ZBTB40: variants seen among roughly 807,000 people sequenced by gnomAD.
The protein encoded by ZBTB40 is zinc finger and BTB domain containing 40, also known as zinc finger and BTB domain-containing protein 40.
In ZBTB40, 60 loss-of-function variants were observed where a neutral mutation model predicts 117.5. The ratio of observed to expected loss-of-function variants is 0.51; its 90% CI spans 0.41 to 0.63. The LOEUF is 0.63. Ranked by LOEUF, ZBTB40 falls within the 30% of genes least tolerant of loss-of-function variation. The probability of loss-of-function intolerance (pLI) is 0.00; values close to 1 mark genes in which losing one functional copy is unlikely to be tolerated. For missense variants in ZBTB40, 1,287 were observed against 1,498.5 expected, an observed-to-expected ratio of 0.86 and a Z score of 2.33; for synonymous variants, 525 against 577.1, an observed-to-expected ratio of 0.91 and a Z score of 1.29.
chr1:22,449,412 A>G (rs188235975), upstream of ZBTB40, among the ~76,000 whole-genome samples: 170 of 152,322 alleles, frequency 1.1e-3, no homozygotes, highest in African/African-American at 3.9e-3. Context: ...AGGTCTAGCC[A>G]TTGTCTTCTT....
At chr1:22,495,697 A>G (rs1270140461) in intron 3 of ZBTB40, among the ~76,000 whole-genome samples, 1 of 152,070 alleles carries the variant, frequency 6.6e-6, no homozygotes, top group African/African-American at 2.4e-5. Context: ...TTTTTAGTAG[A>G]GACGGGGTTT....
intron 1 of ZBTB40, among the ~76,000 whole-genome samples, chr1:22,442,221 CAT>C (rs1640741805): frequency 6.6e-6 from 1 of 152,132 alleles, no homozygotes; most frequent in African/African-American, 2.4e-5. Flanking sequence ...CTCATGTGCA[CAT>C]GAGAAGAATG....
intron 1 of ZBTB40, among the ~76,000 whole-genome samples, chr1:22,464,864 C>T (rs1641215901): frequency 6.6e-6 from 1 of 151,940 alleles, no homozygotes. Context: ...GCCTTTTTTT[C>T]CCCCACAAAA....
In ZBTB40 at chr1:22,490,123, A is replaced by G. The variant is rs773362791; in HGVS notation, c.175A>G (p.Ile59Val). Reference sequence around the variant, plus strand: ...AACCCTGCTGGATAACACAGATACCATCTCCATCGATGCATCTGTGGTGAG... The same window carrying G: ...AACCCTGCTGGATAACACAGATACCGTCTCCATCGATGCATCTGTGGTGAG... Reference protein sequence around the residue: ...FKTLLDNTDTISIDASVVSPE... With the variant: ...FKTLLDNTDTVSIDASVVSPE... Residue 59 changes from isoleucine to valine, a missense_variant, in exon 2 of 18, where the codon ATC (isoleucine) becomes GTC (valine). Physicochemically the swap from Ile to Val is conservative, Grantham distance 29. Transcript: ENST00000375647. 2 of 1,614,144 alleles carry G rather than the reference A, an allele frequency of 1.2e-6. No homozygotes were observed. The highest frequency in any genetic ancestry group is 3.3e-5 in the Admixed American group (2 of 60,022).
chr1:22,522,212 T>TA (rs1350545601), intron 15 of ZBTB40, among the ~76,000 whole-genome samples, 165 bp from the exon 16 acceptor site: 1 of 152,238 alleles, frequency 6.6e-6, no homozygotes, highest in Non-Finnish European at 1.5e-5. Flanking sequence ...TCATGCTCTT[T>TA]ACCACTAGAT....
chr1:22,459,316 A>G (rs1309131584), intron 1 of ZBTB40, among the ~76,000 whole-genome samples: 3 of 152,170 alleles, frequency 2.0e-5, no homozygotes, highest in Non-Finnish European at 4.4e-5. Context: ...CTTCTAGTAC[A>G]TGTAAGGCTT....
intron 12 of ZBTB40, among the ~76,000 whole-genome samples, chr1:22,514,544 T>A (rs1639326334): frequency 6.6e-6 from 1 of 152,170 alleles, no homozygotes; most frequent in South Asian, 2.1e-4. Flanking sequence ...CCCTTCCCTT[T>A]GCTGGGGACG....
intron 1 of ZBTB40, among the ~76,000 whole-genome samples, chr1:22,461,434 C>CCAACATTAA (rs1641130703): frequency 6.6e-6 from 1 of 151,942 alleles, no homozygotes; most frequent in Non-Finnish European, 1.5e-5. Context: ...AGGCTCTTTC[C>CCAACATTAA]CAACATTAAC....
At chr1:22,501,934 A>G (rs547731137) in intron 4 of ZBTB40, among the ~76,000 whole-genome samples, 1 of 152,302 alleles carries the variant, frequency 6.6e-6, no homozygotes, top group South Asian at 2.1e-4. Flanking sequence ...CTGCCCGTCA[A>G]AAAGCCACAC....
At chr1:22,462,753 T>C (rs1272832056) in intron 1 of ZBTB40, among the ~76,000 whole-genome samples, 2 of 152,226 alleles carry the variant, frequency 1.3e-5, no homozygotes, top group Admixed American at 1.3e-4. Flanking sequence ...CCCAGCCGTC[T>C]TGTTATGAGA....
At chr1:22,460,879 A>G (rs556977895) in intron 1 of ZBTB40, among the ~76,000 whole-genome samples, 1 of 152,058 alleles carries the variant, frequency 6.6e-6, no homozygotes, top group Non-Finnish European at 1.5e-5. Context: ...TCACACCCAG[A>G]TACTTCCTTC....
At chr1:22,483,764 T>C (rs1328108247) in intron 1 of ZBTB40, among the ~76,000 whole-genome samples, 1 of 152,198 alleles carries the variant, frequency 6.6e-6, no homozygotes, top group Non-Finnish European at 1.5e-5. Context: ...TTGTCTTTCA[T>C]GGAGCAAAAT....
At chr1:22,486,656 T>C (rs1031671920) in intron 1 of ZBTB40, among the ~76,000 whole-genome samples, 6 of 152,180 alleles carry the variant, frequency 3.9e-5, no homozygotes, top group African/African-American at 7.2e-5. Context: ...AGTGATTCGA[T>C]TGCAGTTCAG....
rs1639704115 is a variant in ZBTB40 at position 22,527,281 on chromosome 1, A to AC, written c.*887dup. The AC allele has an allele frequency of 6.6e-6, 1 of 152,320 alleles. No homozygotes were observed. The highest frequency in any genetic ancestry group is 1.5e-5 in the Non-Finnish European group (1 of 68,040). The allele number at this position is 152,320 out of a possible 1,614,324, so 9.4% of individuals were successfully genotyped here. A position where few individuals can be genotyped will look rare whatever the true frequency, so the allele number is the denominator to read the frequency against. ...TCATATGGTGCAGACTGTGACCAGC[A>AC]CCAGGCAGGCAGTCCTGTCTGCGTG... On this transcript the variant is annotated 3_prime_UTR_variant, in exon 18 of 18. Transcript: ENST00000375647.
At chr1:22,524,191 C>G in intron 16 of ZBTB40, 27 bp from the exon 17 acceptor site, 1 of 1,610,082 alleles carries the variant, frequency 6.2e-7, no homozygotes, top group Non-Finnish European at 8.5e-7. Context: ...ACCCACAGCC[C>G]TCCCCTTCTG....
chr1:22,446,719 C>T (rs1169327679), intron 1 of ZBTB40, among the ~76,000 whole-genome samples: 3 of 152,084 alleles, frequency 2.0e-5, no homozygotes, highest in African/African-American at 7.2e-5. Context: ...TAAAGACTTT[C>T]TCAGACGAAC....
chr1:22,524,321 C>CT lies in ZBTB40; in HGVS notation c.3404dup (p.Cys1137LeufsTer2). 1 of 1,614,216 alleles carries CT rather than the reference C, an allele frequency of 6.2e-7. No individual in the cohort carries two copies. The highest frequency in any genetic ancestry group is 8.5e-7 in the Non-Finnish European group (1 of 1,180,050). ...AGCACTTCAAGCAGTCAGAGACCAC[C>CT]TTCCCCTGTGAGCTCTGTGGGGAAC... On this transcript the variant is annotated frameshift_variant, in exon 17 of 18. Coordinates refer to ENST00000375647, the MANE Select transcript of ZBTB40 (RefSeq NM_014870.4). LOFTEE classifies it high-confidence loss of function.
At chr1:22,433,453 A>AAAAAAAAAAAAAAAAAAAAAAC (rs1640627399) in intron 1 of ZBTB40, among the ~76,000 whole-genome samples, 1 of 142,150 alleles carries the variant, frequency 7.0e-6, no homozygotes, top group Non-Finnish European at 1.5e-5. Flanking sequence ...AAAAAAAAAA[A>AAAAAAAAAAAAAAAAAAAAAAC]AAAAGACAGC....
intron 1 of ZBTB40, among the ~76,000 whole-genome samples, chr1:22,482,432 C>T (rs1638348256): frequency 6.6e-6 from 1 of 152,196 alleles, no homozygotes; most frequent in South Asian, 2.1e-4. Context: ...GTCCCACCAT[C>T]CATGTCTCAC....
Sources: allele counts gnomAD v4.1 joint callset (sites outside exome capture counted in the v4.1 genomes callset), GRCh38; gene constraint gnomAD v4.1.1; transcripts MANE v1.5; gene names NCBI Gene and HGNC (gene_info 2026-07-23, HGNC 2026-07-21).